The following MARCHF4 variants were observed in gnomAD, a reference collection of about 807,000 sequenced individuals.
MARCHF4 encodes the protein E3 ubiquitin-protein ligase MARCHF4.
A neutral mutation model predicts 43.9 loss-of-function variants in MARCHF4; 14 were observed. The ratio of observed to expected loss-of-function variants is 0.32; its 90% CI spans 0.21 to 0.50. The LOEUF (loss-of-function observed/expected upper bound fraction) is 0.50, where lower values mean the gene tolerates loss of function less well. Ranked by LOEUF, MARCHF4 falls within the 20% of genes least tolerant of loss-of-function variation. The probability of loss-of-function intolerance (pLI) is 0.98; values close to 1 mark genes in which losing one functional copy is unlikely to be tolerated. For missense variants in MARCHF4, 468 were observed against 536.7 expected, an observed-to-expected ratio of 0.87 and a Z score of 1.27; for synonymous variants, 226 against 213.3, an observed-to-expected ratio of 1.06 and a Z score of -0.52.
intron 1 of MARCHF4, among the ~76,000 whole-genome samples, chr2:216,351,841 A>G (rs1429099567): frequency 6.6e-6 from 1 of 152,202 alleles, no homozygotes; most frequent in Non-Finnish European, 1.5e-5. Flanking sequence ...CCTTTCCAAC[A>G]TGAGGGTAGG....
chr2:216,367,734 A>C (rs992372309), intron 1 of MARCHF4, among the ~76,000 whole-genome samples: 2 of 152,250 alleles, frequency 1.3e-5, no homozygotes, highest in African/African-American at 2.4e-5. Flanking sequence ...CAAAATAATG[A>C]ACAAGAAAGG....
chr2:216,277,634 G>A (rs1691048294), intron 3 of MARCHF4, 38 bp downstream of exon 3: 19 of 1,554,478 alleles, frequency 1.2e-5, no homozygotes, highest in Non-Finnish European at 1.7e-5. Context: ...CGAGCACATG[G>A]TTCCCCACTT....
In MARCHF4 at chr2:216,259,015, C is replaced by T. The variant is rs1255367996; in HGVS notation, c.*297G>A. On this transcript the variant is annotated 3_prime_UTR_variant, in exon 4 of 4. Coordinates refer to ENST00000273067, the MANE Select transcript of MARCHF4 (RefSeq NM_020814.3). ...AGCCTCTGCTTCTTCGGGTACCTTG[C>T]CTGCAGGTGCATTGGGGCAGGGTTT... The T allele has an allele frequency of 4.0e-6, 1 of 251,468 alleles. No individual in the cohort carries two copies. Among genetic ancestry groups the T allele is most frequent in the Non-Finnish European group, 7.7e-6 (1 of 129,986 alleles). The allele number at this position is 251,468 out of a possible 1,614,324, so 15.6% of individuals were successfully genotyped here. A position where few individuals can be genotyped will look rare whatever the true frequency, so the allele number is the denominator to read the frequency against.
intron 1 of MARCHF4, among the ~76,000 whole-genome samples, chr2:216,293,499 C>T (rs879521860): frequency 2.0e-5 from 3 of 151,752 alleles, no homozygotes; most frequent in Admixed American, 2.0e-4. Flanking sequence ...CACACAAACA[C>T]ACATACACAC....
intron 1 of MARCHF4, among the ~76,000 whole-genome samples, chr2:216,360,107 C>T (rs990306440): frequency 9.2e-5 from 14 of 152,018 alleles, no homozygotes; most frequent in African/African-American, 2.9e-4. Flanking sequence ...CAGGGCACTA[C>T]CCTGGGATCA....
chr2:216,305,536 GAGA>G (rs565081552), intron 1 of MARCHF4, among the ~76,000 whole-genome samples: 3 of 152,188 alleles, frequency 2.0e-5, no homozygotes, highest in Non-Finnish European at 4.4e-5. Context: ...AAGAGAGGAA[GAGA>G]AGAAGAGAAC....
At chr2:216,356,360 G>A (rs1019508597) in intron 1 of MARCHF4, among the ~76,000 whole-genome samples, 28 of 152,314 alleles carry the variant, frequency 1.8e-4, no homozygotes, top group African/African-American at 6.0e-4. Context: ...TTTATCATCC[G>A]CTTTGGACAG....
chr2:216,259,799 G>A, intron 3 of MARCHF4, 120 bp from the exon 4 acceptor site: 1 of 986,698 alleles, frequency 1.0e-6, no homozygotes. Context: ...GCTGAGCCAT[G>A]GGAGGACCAT....
At chr2:216,286,961 A>T (rs2105942655) in intron 1 of MARCHF4, among the ~76,000 whole-genome samples, 2 of 152,356 alleles carry the variant, frequency 1.3e-5, no homozygotes, top group South Asian at 4.1e-4. Flanking sequence ...AATATAAGAG[A>T]TATCTCTGAT....
At chr2:216,309,667 A>G (rs1691651571) in intron 1 of MARCHF4, among the ~76,000 whole-genome samples, 1 of 152,222 alleles carries the variant, frequency 6.6e-6, no homozygotes, top group African/African-American at 2.4e-5. Context: ...TTTATGAGCT[A>G]CAAGTACAAG....
chr2:216,272,465 C>T (rs1218014539), intron 3 of MARCHF4, among the ~76,000 whole-genome samples: 1 of 152,148 alleles, frequency 6.6e-6, no homozygotes. Context: ...TCCCCCCAAC[C>T]TGCCTCCCCA....
At chr2:216,336,021 T>C (rs1692152035) in intron 1 of MARCHF4, among the ~76,000 whole-genome samples, 1 of 143,842 alleles carries the variant, frequency 7.0e-6, no homozygotes, top group Admixed American at 7.2e-5. Context: ...TGAGCCGAGA[T>C]TGCACCACTG....
At chr2:216,266,053 A>G (rs943164918) in intron 3 of MARCHF4, 2 of 152,242 alleles carry the variant, frequency 1.3e-5, no homozygotes, top group Non-Finnish European at 2.9e-5. Context: ...ATCTACTTCC[A>G]GATGTCATAG....
At chr2:216,345,550 T>A (rs539460855) in intron 1 of MARCHF4, among the ~76,000 whole-genome samples, 1 of 152,130 alleles carries the variant, frequency 6.6e-6, no homozygotes, top group African/African-American at 2.4e-5. Flanking sequence ...TGGAATAACC[T>A]AGGGAAAGTT....
At chr2:216,323,126 T>G (rs73066456) in intron 1 of MARCHF4, among the ~76,000 whole-genome samples, 5 of 152,178 alleles carry the variant, frequency 3.3e-5, no homozygotes, top group Admixed American at 1.3e-4. Context: ...GTGTTCCTCA[T>G]TAGATGTTCA....
At chr2:216,369,586 T>C (rs559584484) in intron 1 of MARCHF4, among the ~76,000 whole-genome samples, 159 bp downstream of exon 1, 4 of 152,192 alleles carry the variant, frequency 2.6e-5, no homozygotes, top group South Asian at 4.1e-4. Context: ...CAGACACTCA[T>C]TGGGCAAACT....
At chr2:216,311,554 G>A (rs1443486941) in intron 1 of MARCHF4, among the ~76,000 whole-genome samples, 5 of 152,224 alleles carry the variant, frequency 3.3e-5, no homozygotes, top group Non-Finnish European at 2.9e-5. Context: ...CACTGCACTC[G>A]GCCGTAAATC....
chr2:216,287,726 C>A (rs77676891), intron 1 of MARCHF4, among the ~76,000 whole-genome samples: 13,785 of 150,740 alleles, frequency 0.091, 832 homozygotes, highest in African/African-American at 0.17. Flanking sequence ...CAACATGGCA[C>A]ACGTATACAT....
intron 1 of MARCHF4, among the ~76,000 whole-genome samples, chr2:216,328,116 A>G (rs1692025214): frequency 6.6e-6 from 1 of 152,148 alleles, no homozygotes; most frequent in Admixed American, 6.5e-5. Flanking sequence ...TTTAATCTTG[A>G]GTATACCTGC....
Sources: allele counts gnomAD v4.1 joint callset (sites outside exome capture counted in the v4.1 genomes callset), GRCh38; gene constraint gnomAD v4.1.1; transcripts MANE v1.5; gene names NCBI Gene and HGNC (gene_info 2026-07-23, HGNC 2026-07-21).